Variants in CFH observed in about 807,000 individuals in gnomAD.
CFH encodes H factor 1 (complement).
Under a neutral mutation model 147.3 loss-of-function variants are expected in CFH, and 53 were observed. That is an observed-to-expected ratio of 0.36 (90% CI 0.29 to 0.45). The LOEUF is 0.45. Among genes scored for constraint, CFH ranks in the 20% least tolerant of loss-of-function variants. The pLI is 1.00. For synonymous variants in CFH, 536 were observed against 489.4 expected, an observed-to-expected ratio of 1.10 and a Z score of -1.26; for missense variants, 1,380 against 1,498.0, an observed-to-expected ratio of 0.92 and a Z score of 1.30.
chr1:196,715,087 TA>T (rs1480437214), intron 10 of CFH, among the ~76,000 whole-genome samples: 4 of 152,102 alleles, frequency 2.6e-5, no homozygotes, highest in South Asian at 4.1e-4. Context: ...TTAGTCCTCA[TA>T]AAAAAGCTAA....
rs546517489 is a variant in CFH, at chr1:196,654,743, T to G, written c.58+2568T>G. On this transcript the variant is annotated intron_variant, in intron 1 of 21. Transcript: ENST00000367429. ...TGGCTGTGTTGTTTGGGAGACATGT[T>G]TTTTAATCCTGGAGATTTAGAGTGC... Among the ~76,000 whole-genome samples, 20 of 152,290 alleles carry G rather than the reference T, an allele frequency of 1.3e-4. No individual in the cohort carries two copies. The East Asian group carries it at 3.9e-3, about 29-fold the overall frequency.
At chr1:196,680,572 T>C (rs1030939979) in intron 6 of CFH, among the ~76,000 whole-genome samples, 1 of 151,878 alleles carries the variant, frequency 6.6e-6, no homozygotes, top group Admixed American at 6.6e-5. Context: ...GATAACAGTT[T>C]TGAGATATTT....
chr1:196,692,947 C>T (rs1272990154), intron 9 of CFH, among the ~76,000 whole-genome samples: 1 of 117,332 alleles, frequency 8.5e-6, no homozygotes, highest in African/African-American at 3.1e-5. Flanking sequence ...TCCTTTTGTC[C>T]CAAGTTTGTC....
rs186296030 is a variant in CFH, at chr1:196,745,210, G to T, written c.3311-607G>T. 5.1e-3 allele frequency among the ~76,000 whole-genome samples: 782 copies of T among 151,972 alleles called. 8 individuals carry two copies. The highest frequency in any genetic ancestry group is 0.018 in the African/African-American group (751 of 41,460). ...CTTAAATATAAGTTTATACCTTATG[G>T]TCAAAATGGGAAGTTTTCAGGCATC... On this transcript the variant is annotated intron_variant, in intron 20 of 21. Transcript: ENST00000367429.
intron 9 of CFH, chr1:196,700,726 C>A: frequency 1.8e-6 from 1 of 544,988 alleles, no homozygotes; most frequent in Non-Finnish European, 2.3e-6. Context: ...ACCTACAGTC[C>A]AGTGCCCCCA....
chr1:196,689,637 A>G, intron 8 of CFH, 23 bp downstream of exon 8: 1 of 1,609,532 alleles, frequency 6.2e-7, no homozygotes, highest in Non-Finnish European at 8.5e-7. Context: ...CTGAACTGCT[A>G]TATATATGTA....
rs71131720 is a variant in CFH at position 196,692,901 on chromosome 1, C to CCCTTCCTTCCTTCCTTCCTT, written c.1336+2676_1336+2695dup. Among the ~76,000 whole-genome samples, 45 of 70,722 alleles carry CCCTTCCTTCCTTCCTTCCTT rather than the reference C, an allele frequency of 6.4e-4. 1 individual carries two copies. Among genetic ancestry groups the CCCTTCCTTCCTTCCTTCCTT allele is most frequent in the African/African-American group, 2.0e-3 (27 of 13,566 alleles). The allele number at this position is 70,722 out of a possible 152,430, so 46.4% of individuals were successfully genotyped here. On this transcript the variant is annotated intron_variant, in intron 9 of 21. Transcript: ENST00000367429. ...CACCTCCCTCCCTCCCTCCCTCCCT[C>CCCTTCCTTCCTTCCTTCCTT]CCTTCCTTCCTTCCTTCCTTCCTTC... is the stretch of plus-strand genomic sequence containing the variant.
Position 196,728,406 on chromosome 1 carries a change from A to G in CFH, c.2297A>G (p.Lys766Arg). Residue 766 changes from lysine to arginine, a missense_variant, in exon 15 of 22, where the codon AAA (lysine) becomes AGA (arginine). Physicochemically the swap from Lys to Arg is conservative, Grantham distance 26. Around this residue, in one of 4 missense-constraint regions of CFH, gnomAD observed 830 missense variants for 821.4 expected, o/e 1.01. Transcript: ENST00000367429. Reference protein sequence around the residue: ...SNLIILEEHLKNKKEFDHNSN... With the variant: ...SNLIILEEHLRNKKEFDHNSN... ...TTAATTATACTTGAGGAACATTTAA[A>G]AAACAAGAAGGAATTCGATCATAAT... The G allele has an allele frequency of 6.2e-7, 1 of 1,605,336 alleles. No homozygotes were observed. Among genetic ancestry groups the G allele is most frequent in the South Asian group, 1.1e-5 (1 of 89,926 alleles).
intron 9 of CFH, among the ~76,000 whole-genome samples, chr1:196,712,723 G>A (rs1425444311): frequency 6.7e-6 from 1 of 149,966 alleles, no homozygotes; most frequent in Non-Finnish European, 1.5e-5. Context: ...CCATTAACTC[G>A]TCATTTAGCA....
rs1288264980 is a variant in CFH at position 196,715,688 on chromosome 1, G to A, written c.1615G>A (p.Gly539Ser). The A allele has an allele frequency of 1.2e-6, 2 of 1,612,682 alleles. No homozygotes were observed. Among genetic ancestry groups the A allele is most frequent in the Non-Finnish European group, 1.7e-6 (2 of 1,179,182 alleles). ...CACATTGGACTATGAATGCCATGAT[G>A]GTTATGAAAGCAATACTGGAAGCAC... The part of the protein sequence containing the change: ...NDTLDYECHD[G>S]YESNTGSTTG... The change falls in exon 11 of 22, where the codon GGT becomes AGT. Residue 539 changes from glycine to serine, a missense_variant. Around this residue, in one of 4 missense-constraint regions of CFH, gnomAD observed 830 missense variants for 821.4 expected, o/e 1.01. Transcript: ENST00000367429.
chr1:196,700,976 C>A, intron 9 of CFH: 1 of 492,350 alleles, frequency 2.0e-6, no homozygotes, highest in Non-Finnish European at 2.6e-6. Flanking sequence ...GGTCTTGTGG[C>A]CTCTTTGAGG....
At chr1:196,720,607 G>C (rs1411002351) in intron 11 of CFH, among the ~76,000 whole-genome samples, 1 of 151,908 alleles carries the variant, frequency 6.6e-6, no homozygotes, top group East Asian at 1.9e-4. Context: ...GCTTCTGAAG[G>C]CATGATTTTA....
chr1:196,693,955 G>GGTGTGGGTGT (rs1668157349), intron 9 of CFH, among the ~76,000 whole-genome samples: 1 of 142,656 alleles, frequency 7.0e-6, no homozygotes, highest in Non-Finnish European at 1.5e-5. Flanking sequence ...TTAGATAAAT[G>GGTGTGGGTGT]GTGTGTGTGT....
At chr1:196,736,424 C>T (rs917902082) in intron 15 of CFH, among the ~76,000 whole-genome samples, 2 of 151,974 alleles carry the variant, frequency 1.3e-5, no homozygotes, top group African/African-American at 4.8e-5. Flanking sequence ...TAATCCAATC[C>T]TGATACATTT....
intron 11 of CFH, among the ~76,000 whole-genome samples, chr1:196,723,866 C>T (rs1411462830): frequency 6.6e-6 from 1 of 151,970 alleles, no homozygotes; most frequent in Non-Finnish European, 1.5e-5. Flanking sequence ...CAATGTCCGT[C>T]CTCTGGTGTG....
chr1:196,728,044 G>T (rs928506637), intron 14 of CFH, among the ~76,000 whole-genome samples: 13 of 152,204 alleles, frequency 8.5e-5, no homozygotes, highest in Middle Eastern at 3.4e-3. Context: ...AATTCTAAGA[G>T]TCCTAATGTC....
Position 196,677,646 on chromosome 1 carries a change from A to G in CFH, c.598A>G (p.Lys200Glu). The change falls in exon 5 of 22, where the codon AAA (lysine) becomes GAA (glutamate). Residue 200 changes from lysine (K) to glutamate (E), a missense_variant. This residue lies in a region of CFH where 260 missense variants were observed against 263.3 expected (regional missense o/e 0.99). Transcript: ENST00000367429. ...MHCSDDGFWS[K>E]EKPKCVEISC... is the part of the protein sequence containing the mutation. ...TTGTTCAGACGATGGTTTTTGGAGT[A>G]AAGAGAAACCAAAGTGTGTGGGTAA... 2 of 1,613,034 alleles carry G rather than the reference A, an allele frequency of 1.2e-6. No homozygotes were observed. Among genetic ancestry groups the G allele is most frequent in the Non-Finnish European group, 1.7e-6 (2 of 1,179,224 alleles).
intron 9 of CFH, among the ~76,000 whole-genome samples, chr1:196,704,779 C>T (rs1041092696): frequency 1.2e-4 from 18 of 152,152 alleles, no homozygotes; most frequent in African/African-American, 4.1e-4. Flanking sequence ...CTTGCCAGGA[C>T]AAAAACATGG....
intron 17 of CFH, among the ~76,000 whole-genome samples, chr1:196,738,504 G>A (rs1339605281): frequency 6.6e-6 from 1 of 152,152 alleles, no homozygotes; most frequent in Non-Finnish European, 1.5e-5. Context: ...CAAAAGGGAG[G>A]AAATGGCTGA....
Sources: allele counts gnomAD v4.1 joint callset (sites outside exome capture counted in the v4.1 genomes callset), GRCh38; gene constraint gnomAD v4.1.1; regional missense constraint gnomAD v4.1.1; transcripts MANE v1.5; gene names NCBI Gene and HGNC (gene_info 2026-07-23, HGNC 2026-07-21).